Variants in M1AP observed in about 807,000 individuals in gnomAD.
M1AP encodes meiosis 1 arrest protein.
A neutral mutation model predicts 51.2 loss-of-function variants in M1AP; 39 were observed. The ratio of observed to expected loss-of-function variants is 0.76; its 90% CI spans 0.59 to 1.00. M1AP has a LOEUF of 1.00. Among genes scored for constraint, M1AP ranks in the 50% least tolerant of loss-of-function variants. The pLI, the probability that M1AP is intolerant of heterozygous loss-of-function variation, is 0.00. For missense variants in M1AP, 545 were observed against 641.2 expected, an observed-to-expected ratio of 0.85 and a Z score of 1.62; for synonymous variants, 251 against 249.2, an observed-to-expected ratio of 1.01 and a Z score of -0.07.
At chr2:74,641,421 TAGG>T (rs1173644056) in intron 1 of M1AP, among the ~76,000 whole-genome samples, 1 of 152,196 alleles carries the variant, frequency 6.6e-6, no homozygotes, top group Non-Finnish European at 1.5e-5. Context: ...AAAAGGGTTA[TAGG>T]AGGACATAAT....
chr2:74,569,070 T>C (rs1678559547), intron 7 of M1AP, among the ~76,000 whole-genome samples: 1 of 152,186 alleles, frequency 6.6e-6, no homozygotes, highest in South Asian at 2.1e-4. Flanking sequence ...CCATAAGTGA[T>C]CCAGGTATTG....
At chr2:74,617,312 C>G (rs1481574501) in intron 2 of M1AP, among the ~76,000 whole-genome samples, 1 of 152,170 alleles carries the variant, frequency 6.6e-6, no homozygotes, top group Non-Finnish European at 1.5e-5. Context: ...TATAGGGTGT[C>G]ATTAGATGAC....
intron 2 of M1AP, among the ~76,000 whole-genome samples, chr2:74,631,093 GCT>G (rs1682679163): frequency 6.6e-6 from 1 of 152,118 alleles, no homozygotes; most frequent in African/African-American, 2.4e-5. Context: ...TTTTGTTGTA[GCT>G]GTGTCTCTTG....
At chr2:74,612,144 G>A (rs1307727018) in intron 3 of M1AP, among the ~76,000 whole-genome samples, 3 of 151,796 alleles carry the variant, frequency 2.0e-5, no homozygotes, top group African/African-American at 7.3e-5. Flanking sequence ...ACCCGCCTGG[G>A]CCTCCCAAAG....
In M1AP at chr2:74,617,345, G is replaced by T. The variant is rs116205933; in HGVS notation, c.241-2196C>A. ...GACACCCAGAACCAGCCACAACTTC[G>T]GACTAAGCTTGTTTGTGTCTACAAT... is the stretch of plus-strand genomic sequence containing the variant. On this transcript the variant is annotated intron_variant, in intron 2 of 10. Coordinates refer to ENST00000421985, the MANE Select transcript of M1AP (RefSeq NM_001321739.2). Among the ~76,000 whole-genome samples, 940 of 152,196 alleles carry T rather than the reference G, an allele frequency of 6.2e-3. 4 individuals carry two copies. The highest frequency in any genetic ancestry group is 0.022 in the South Asian group (107 of 4,808).
intron 3 of M1AP, among the ~76,000 whole-genome samples, chr2:74,611,887 T>G (rs868565051): frequency 1.2e-4 from 8 of 66,786 alleles, no homozygotes; most frequent in Admixed American, 1.5e-4. Context: ...AAAGTGTTTT[T>G]TTTTTTTTTT....
intron 5 of M1AP, chr2:74,576,982 C>A: frequency 1.1e-6 from 1 of 919,870 alleles, no homozygotes; most frequent in Non-Finnish European, 1.3e-6. Flanking sequence ...GAGGAGGTAG[C>A]TAATGCCAAA....
chr2:74,610,213 T>C (rs1255709868), intron 3 of M1AP, among the ~76,000 whole-genome samples: 2 of 151,970 alleles, frequency 1.3e-5, no homozygotes, highest in African/African-American at 2.4e-5. Flanking sequence ...CTCACCATGT[T>C]GACCAGACTG....
chr2:74,640,427 G>T, intron 1 of M1AP, 100 bp from the exon 2 acceptor site: 4 of 973,998 alleles, frequency 4.1e-6, no homozygotes, highest in Admixed American at 2.9e-5. Context: ...CCAGAAAGGA[G>T]TCAGATTGGG....
intron 2 of M1AP, chr2:74,620,872 C>G: frequency 5.7e-6 from 1 of 174,664 alleles, no homozygotes; most frequent in Non-Finnish European, 1.3e-5. Flanking sequence ...CTTCTGAAGC[C>G]AGTCAGTGCC....
rs1573092053 is a variant in M1AP, at chr2:74,581,685, C to G, written c.758G>C (p.Arg253Thr). 1 of 1,613,704 alleles carries G rather than the reference C, an allele frequency of 6.2e-7. No individual in the cohort carries two copies. Among genetic ancestry groups the G allele is most frequent in the Non-Finnish European group, 8.5e-7 (1 of 1,179,706 alleles). Reference sequence around the variant, plus strand: ...TGGGGATTATGTACTTGGATTATCTCTGGGTCTGGAAATGTTGCTGAAACA... The same window carrying G: ...TGGGGATTATGTACTTGGATTATCTGTGGGTCTGGAAATGTTGCTGAAACA... Reference protein sequence around the residue: ...SQCFSNISRPRDNPMCLKCDL... With the variant: ...SQCFSNISRPTDNPMCLKCDL... Residue 253 changes from arginine (R) to threonine (T), a missense_variant, in exon 5 of 11, where the codon AGA (arginine) becomes ACA (threonine). By Grantham distance (71) the Arg-to-Thr change is moderately conservative. Coordinates refer to ENST00000421985, the MANE Select transcript of M1AP (RefSeq NM_001321739.2).
chr2:74,621,155 G>T (rs1194335088), intron 2 of M1AP, among the ~76,000 whole-genome samples: 4 of 151,448 alleles, frequency 2.6e-5, no homozygotes, highest in Non-Finnish European at 4.4e-5. Context: ...AGTGGCGGGC[G>T]CCTGTAGTCC....
chr2:74,615,266 A>C, intron 2 of M1AP, 117 bp from the exon 3 acceptor site: 1 of 908,750 alleles, frequency 1.1e-6, no homozygotes, highest in Non-Finnish European at 1.7e-6. Context: ...CTGAAAATTT[A>C]TTTGACCAAC....
At chr2:74,584,468 AAAAG>A (rs972002470) in intron 4 of M1AP, among the ~76,000 whole-genome samples, 1 of 151,514 alleles carries the variant, frequency 6.6e-6, no homozygotes, top group African/African-American at 2.4e-5. Flanking sequence ...AAAAAAAAGA[AAAAG>A]AAACAGAATT....
chr2:74,596,488 A>AG (rs888720961), intron 4 of M1AP, among the ~76,000 whole-genome samples: 1 of 152,088 alleles, frequency 6.6e-6, no homozygotes, highest in Non-Finnish European at 1.5e-5. Context: ...AGGCTGAGGT[A>AG]GGAGAATGGT....
chr2:74,612,091 T>G (rs898743924), intron 3 of M1AP, among the ~76,000 whole-genome samples: 2 of 151,492 alleles, frequency 1.3e-5, no homozygotes, highest in African/African-American at 4.9e-5. Flanking sequence ...AGATGGGGTT[T>G]CACCGTGTCC....
chr2:74,615,968 A>C (rs1319320464), intron 2 of M1AP: 1 of 152,206 alleles, frequency 6.6e-6, no homozygotes, highest in Non-Finnish European at 1.5e-5. Flanking sequence ...AATGCACATA[A>C]AATCCATGAG....
intron 8 of M1AP, 46 bp downstream of exon 8, chr2:74,562,171 T>C: frequency 6.4e-7 from 1 of 1,553,088 alleles, no homozygotes; most frequent in East Asian, 2.3e-5. Context: ...TTTCTCAAAC[T>C]CCATTCGCTT....
intron 6 of M1AP, among the ~76,000 whole-genome samples, chr2:74,575,997 G>A (rs761311293): frequency 6.6e-6 from 1 of 152,140 alleles, no homozygotes; most frequent in Non-Finnish European, 1.5e-5. Context: ...GGGATTACAG[G>A]CATGAGCCAC....
Sources: allele counts gnomAD v4.1 joint callset (sites outside exome capture counted in the v4.1 genomes callset), GRCh38; gene constraint gnomAD v4.1.1; transcripts MANE v1.5; gene names NCBI Gene and HGNC (gene_info 2026-07-23, HGNC 2026-07-21).